Variants in HS1BP3 observed in about 807,000 individuals in gnomAD.
HS1BP3 encodes HCLS1-binding protein 3.
A neutral mutation model predicts 33.5 loss-of-function variants in HS1BP3; 32 were observed. The ratio of observed to expected loss-of-function variants is 0.95; its 90% CI spans 0.72 to 1.28. HS1BP3 has a LOEUF of 1.28. Ranked by LOEUF, HS1BP3 falls within the 50% of genes most tolerant of loss-of-function variation. The probability of loss-of-function intolerance (pLI) is 0.00; values close to 1 mark genes in which losing one functional copy is unlikely to be tolerated. For missense variants in HS1BP3, 486 were observed against 502.3 expected (o/e 0.97, Z 0.31); for synonymous variants, 187 against 209.2 (o/e 0.89, Z 0.92).
At chr2:20,606,867 T>G (rs1210808532) in intron 2 of HS1BP3, among the ~76,000 whole-genome samples, 2 of 152,212 alleles carry the variant, frequency 1.3e-5, no homozygotes, top group Admixed American at 6.5e-5. Context: ...TTAAACGATA[T>G]ATGGTTTGCA....
At chr2:20,586,780 G>C (rs1012897027) in intron 5 of HS1BP3, 2 of 152,160 alleles carry the variant, frequency 1.3e-5, no homozygotes, top group African/African-American at 4.8e-5. Context: ...TAGGAAAACA[G>C]GCAAAGAAAA....
downstream of HS1BP3, among the ~76,000 whole-genome samples, chr2:20,616,640 C>T (rs1374446184): frequency 1.3e-5 from 2 of 152,178 alleles, no homozygotes; most frequent in Non-Finnish European, 2.9e-5. Context: ...GCCTCCTCTG[C>T]CTTGGTTGGC....
chr2:20,632,556 TAAC>T (rs1414447773), intron 4 of HS1BP3, among the ~76,000 whole-genome samples: 1 of 152,314 alleles, frequency 6.6e-6, no homozygotes, highest in African/African-American at 2.4e-5. Flanking sequence ...TCCTCAGTCG[TAAC>T]AACAGAGCCT....
In HS1BP3 at chr2:20,624,889, G is replaced by C. The variant is rs144935293; in HGVS notation, c.627C>G (p.Ser209=). The change falls in exon 5 of 7, where the codon TCC becomes TCG. Residue 209 remains serine, a synonymous_variant. Coordinates refer to ENST00000304031, the MANE Select transcript of HS1BP3 (RefSeq NM_022460.4). ...EALDPLGIMR[S]KKPKKHPKVA... ...CTTTGGGATGTTTCTTGGGCTTCTT[G>C]GAGCTGGAGAATCACAGACAAAGCA... 1 of 1,613,556 alleles carries C rather than the reference G, an allele frequency of 6.2e-7. No individual in the cohort carries two copies.
At chr2:20,559,319 C>G (rs1308281016), downstream of HS1BP3, among the ~76,000 whole-genome samples, 1 of 152,258 alleles carries the variant, frequency 6.6e-6, no homozygotes, top group Non-Finnish European at 1.5e-5. Context: ...CGATCTGACT[C>G]CCGCTGTCAC....
intron 5 of HS1BP3, among the ~76,000 whole-genome samples, chr2:20,561,509 G>T (rs1369266025): frequency 6.6e-6 from 1 of 152,102 alleles, no homozygotes; most frequent in African/African-American, 2.4e-5. Context: ...CAATGTCTCT[G>T]TTGGCTTCCC....
intron 5 of HS1BP3, among the ~76,000 whole-genome samples, chr2:20,577,455 C>A (rs553658103): frequency 6.6e-6 from 1 of 152,274 alleles, no homozygotes; most frequent in South Asian, 2.1e-4. Flanking sequence ...GAAACAAGTG[C>A]AGCGATCTCC....
At position 20,641,056 on chromosome 2, in the gene HS1BP3, C is replaced by T. The variant is rs779297295; in HGVS notation, c.323G>A (p.Arg108Lys). The change falls in exon 3 of 7, where the codon AGG becomes AAG. Residue 108 changes from arginine (R) to lysine (K), a missense_variant. Arg to Lys is a conservative substitution (Grantham distance 26). Transcript: ENST00000304031. ...LFVGESDIRE[R>K]RAVFNEILRC... The stretch of plus-strand genomic sequence containing the variant: ...CAGGATCTCATTGAACACGGCTCTC[C>T]TCTCCCGGATGTCAGACTCCCCAAC... The T allele has an allele frequency of 9.3e-6, 15 of 1,614,166 alleles. No homozygotes were observed. The highest frequency in any genetic ancestry group is 1.1e-5 in the Non-Finnish European group (13 of 1,180,040).
chr2:20,576,417 C>T (rs1269468654), intron 5 of HS1BP3, among the ~76,000 whole-genome samples: 1 of 152,228 alleles, frequency 6.6e-6, no homozygotes, highest in African/African-American at 2.4e-5. Context: ...CAGTACAGCT[C>T]CTCCTGCCAC....
intron 4 of HS1BP3, among the ~76,000 whole-genome samples, chr2:20,633,866 G>GTGC (rs1695040274): frequency 6.6e-6 from 1 of 152,246 alleles, no homozygotes; most frequent in African/African-American, 2.4e-5. Context: ...CATGCACACT[G>GTGC]TGCTGCTGTG....
intron 2 of HS1BP3, among the ~76,000 whole-genome samples, chr2:20,602,853 A>G (rs1014632130): frequency 1.4e-4 from 22 of 152,258 alleles, no homozygotes; most frequent in Admixed American, 9.2e-4. Context: ...TATCGGGAAT[A>G]CATAAGAAGC....
rs543568914 is a variant in HS1BP3, at chr2:20,626,025, C to T, written c.624-1133G>A. ...GAAACTGAAATTCCGTGTGCCTGTC[C>T]GCCTGGCGGGCAGTTCCACTGGACT... On this transcript the variant is annotated intron_variant, in intron 4 of 6. Transcript: ENST00000304031. 8.5e-5 allele frequency among the ~76,000 whole-genome samples: 13 copies of T among 152,270 alleles called. No homozygotes were observed. In the East Asian group the frequency reaches 9.6e-4, roughly 11 times the overall value.
At position 20,619,103 on chromosome 2, in the gene HS1BP3, C is replaced by G. The variant is rs1035863225; in HGVS notation, c.1063G>C (p.Ala355Pro). The G allele has an allele frequency of 1.5e-5, 24 of 1,614,070 alleles. No homozygotes were observed. Among genetic ancestry groups the G allele is most frequent in the Non-Finnish European group, 1.9e-5 (23 of 1,180,026 alleles). ...AVPPKAGPAE[A>P]VAGQQKPQEQ... ...TGCGGCTTCTGCTGCCCAGCCACAG[C>G]TTCAGCCGGGCCCGCTTTGGGGGGA... The change falls in exon 7 of 7, where the codon GCT becomes CCT. Residue 355 changes from alanine (A) to proline (P), a missense_variant. Physicochemically the swap from Ala to Pro is conservative, Grantham distance 27 (BLOSUM62 -1). Transcript: ENST00000304031.
At chr2:20,554,797 T>C in the HS1BP3 span, among the ~76,000 whole-genome samples, 2 of 151,690 alleles carry the variant, frequency 1.3e-5, no homozygotes, top group Non-Finnish European at 2.9e-5. Context: ...TTAGCTTGAG[T>C]CTCCACCTCT....
At chr2:20,624,682 G>T in intron 5 of HS1BP3, 50 bp downstream of exon 5, 1 of 1,525,486 alleles carries the variant, frequency 6.6e-7, no homozygotes, top group Non-Finnish European at 8.8e-7. Context: ...CCTGGTGATG[G>T]GGCTGGGCAC....
At chr2:20,616,160 G>C (rs1036990997), downstream of HS1BP3, among the ~76,000 whole-genome samples, 3 of 152,220 alleles carry the variant, frequency 2.0e-5, no homozygotes, top group Admixed American at 2.0e-4. Context: ...GGAACTCTCA[G>C]CTGCAGGCTC....
intron 2 of HS1BP3, among the ~76,000 whole-genome samples, chr2:20,605,263 G>T (rs896737): frequency 6.6e-6 from 1 of 152,056 alleles, no homozygotes; most frequent in African/African-American, 2.4e-5. Flanking sequence ...TATAGACACA[G>T]GTTGCACCCC....
At chr2:20,599,835 TC>T (rs1362317294) in intron 2 of HS1BP3, among the ~76,000 whole-genome samples, 1 of 152,050 alleles carries the variant, frequency 6.6e-6, no homozygotes, top group Non-Finnish European at 1.5e-5. Flanking sequence ...CCCCATCTGT[TC>T]CCCAGGGAGA....
downstream of HS1BP3, among the ~76,000 whole-genome samples, chr2:20,559,467 T>C (rs1692923788): frequency 6.6e-6 from 1 of 151,882 alleles, no homozygotes; most frequent in Non-Finnish European, 1.5e-5. Context: ...GGTGGATGGA[T>C]GAATGGATGG....
Sources: allele counts gnomAD v4.1 joint callset (sites outside exome capture counted in the v4.1 genomes callset), GRCh38; gene constraint gnomAD v4.1.1; transcripts MANE v1.5; gene names NCBI Gene and HGNC (gene_info 2026-07-23, HGNC 2026-07-21).